Variants in ATAD1 observed in about 807,000 individuals in gnomAD.
ATAD1 encodes the protein ATPase family AAA domain containing 1.
Under a neutral mutation model 42.7 loss-of-function variants are expected in ATAD1, and 18 were observed. That is an observed-to-expected ratio of 0.42 (90% confidence interval 0.29 to 0.63). ATAD1 has a LOEUF of 0.63. Ranked by LOEUF, ATAD1 falls within the 20% of genes least tolerant of loss-of-function variation. The pLI, the probability that ATAD1 is intolerant of heterozygous loss-of-function variation, is 0.19. For missense variants in ATAD1, 294 were observed against 440.4 expected (o/e 0.67, Z 2.98); for synonymous variants, 132 against 143.1 (o/e 0.92, Z 0.55).
Position 87,768,474 on chromosome 10 carries a change from A to C in ATAD1, c.781-751T>G, listed in dbSNP as rs563219133. 2.6e-5 allele frequency among the ~76,000 whole-genome samples: 4 copies of C among 152,314 alleles called. No individual in the cohort carries two copies. The South Asian group carries it at 8.3e-4, about 32-fold the overall frequency. The stretch of plus-strand genomic sequence containing the variant: ...TTTAAGTGTGTCAAGTAGGAAGGTT[A>C]ATTTGATATGTCATGTGATCACCAA... On this transcript the variant is annotated intron_variant, in intron 7 of 9. Coordinates refer to ENST00000680024, the MANE Select transcript of ATAD1 (RefSeq NM_001321967.2).
intron 8 of ATAD1, among the ~76,000 whole-genome samples, chr10:87,758,834 T>C (rs955660223): frequency 1.3e-5 from 2 of 152,184 alleles, no homozygotes; most frequent in Non-Finnish European, 2.9e-5. Flanking sequence ...AGCAGAAATT[T>C]ATATAATTAC....
chr10:87,814,705 T>A, intron 1 of ATAD1, 93 bp from the exon 2 acceptor site: 1 of 957,320 alleles, frequency 1.0e-6, no homozygotes, highest in Non-Finnish European at 1.4e-6. Context: ...AAAGAAAAAC[T>A]AACTTCTAGT....
intron 2 of ATAD1, among the ~76,000 whole-genome samples, chr10:87,801,598 T>C (rs1398148479): frequency 6.6e-6 from 1 of 151,708 alleles, no homozygotes; most frequent in Non-Finnish European, 1.5e-5. Context: ...TGATATGACT[T>C]AATGTACATT....
At chr10:87,836,895 G>GTTCA (rs1589580895) in intron 1 of ATAD1, among the ~76,000 whole-genome samples, 1 of 152,190 alleles carries the variant, frequency 6.6e-6, no homozygotes, top group East Asian at 1.9e-4. Context: ...TGTTCACATT[G>GTTCA]GATAATTTCT....
intron 4 of ATAD1, among the ~76,000 whole-genome samples, chr10:87,787,886 A>C (rs1367098877): frequency 2.0e-5 from 3 of 152,218 alleles, no homozygotes; most frequent in Non-Finnish European, 1.5e-5. Flanking sequence ...CACAATTTAA[A>C]GAATGCACCA....
At chr10:87,800,747 G>A (rs188159473) in intron 2 of ATAD1, among the ~76,000 whole-genome samples, 3 of 152,250 alleles carry the variant, frequency 2.0e-5, no homozygotes, top group Admixed American at 2.0e-4. Context: ...CATAAACACT[G>A]ACAGCAATTA....
intron 2 of ATAD1, among the ~76,000 whole-genome samples, chr10:87,806,761 C>T (rs1856943732): frequency 6.6e-6 from 1 of 152,130 alleles, no homozygotes; most frequent in South Asian, 2.1e-4. Context: ...AAAACAGATA[C>T]AAGAAAAGCT....
At chr10:87,794,089 A>G (rs1397665386) in intron 2 of ATAD1, among the ~76,000 whole-genome samples, 1 of 152,128 alleles carries the variant, frequency 6.6e-6, no homozygotes, top group East Asian at 1.9e-4. Context: ...ATGTGGTAGT[A>G]CACGCCTGTA....
At chr10:87,832,937 C>T (rs2132112801) in intron 1 of ATAD1, 1 of 152,288 alleles carries the variant, frequency 6.6e-6, no homozygotes, top group South Asian at 2.1e-4. Flanking sequence ...GGCTGGTCCA[C>T]CCCTCCTTAG....
intron 6 of ATAD1, among the ~76,000 whole-genome samples, chr10:87,771,538 CT>C (rs1855029648): frequency 6.6e-6 from 1 of 152,016 alleles, no homozygotes; most frequent in Admixed American, 6.6e-5. Context: ...ATACTGTGTA[CT>C]TTTTCTCTAT....
At chr10:87,821,257 G>T (rs569699144), upstream of ATAD1, among the ~76,000 whole-genome samples, 2 of 152,310 alleles carry the variant, frequency 1.3e-5, no homozygotes, top group Non-Finnish European at 2.9e-5. Context: ...GCTGGGCGCA[G>T]TGGCTCACGC....
chr10:87,801,730 TC>T (rs1856706415), intron 2 of ATAD1, among the ~76,000 whole-genome samples: 1 of 152,220 alleles, frequency 6.6e-6, no homozygotes, highest in Non-Finnish European at 1.5e-5. Flanking sequence ...CTTCTTTTGG[TC>T]CTCTTTAGAA....
intron 2 of ATAD1, among the ~76,000 whole-genome samples, chr10:87,797,914 A>AT (rs1856477074): frequency 2.0e-5 from 3 of 152,116 alleles, no homozygotes; most frequent in Admixed American, 6.5e-5. Context: ...TAAATGACAG[A>AT]TTGAGTTTTC....
intron 5 of ATAD1, among the ~76,000 whole-genome samples, chr10:87,778,235 G>C (rs1011152979): frequency 7.0e-6 from 1 of 142,274 alleles, no homozygotes; most frequent in Non-Finnish European, 1.5e-5. Flanking sequence ...CCAGGGGTTC[G>C]AGACCAGGCT....
intron 2 of ATAD1, among the ~76,000 whole-genome samples, chr10:87,806,906 C>G (rs543769118): frequency 2.6e-5 from 4 of 152,194 alleles, no homozygotes; most frequent in African/African-American, 9.6e-5. Context: ...GCATAACAAA[C>G]TTTACCAACT....
At chr10:87,831,731 G>C (rs1857833268) in intron 1 of ATAD1, among the ~76,000 whole-genome samples, 1 of 152,156 alleles carries the variant, frequency 6.6e-6, no homozygotes, top group Non-Finnish European at 1.5e-5. Flanking sequence ...TATTTAATCA[G>C]TTATAATGTC....
chr10:87,794,906 C>G (rs1367009228), intron 2 of ATAD1, among the ~76,000 whole-genome samples: 3 of 152,180 alleles, frequency 2.0e-5, no homozygotes, highest in African/African-American at 4.8e-5. Flanking sequence ...CCTGCAACAG[C>G]AGTCCCACTT....
intron 2 of ATAD1, among the ~76,000 whole-genome samples, chr10:87,806,722 ATTATT>A (rs1271452868): frequency 6.6e-6 from 1 of 152,162 alleles, no homozygotes. Flanking sequence ...TGGCATAATA[ATTATT>A]TTGAGTTGAG....
intron 8 of ATAD1, among the ~76,000 whole-genome samples, chr10:87,765,448 G>C (rs1473828370): frequency 1.7e-5 from 2 of 115,792 alleles, no homozygotes; most frequent in Non-Finnish European, 3.3e-5. Context: ...AGTAGGAAAG[G>C]CCTTTAAATT....
Sources: gnomAD v4.1 joint callset for allele counts (sites outside exome capture counted in the v4.1 genomes callset) on GRCh38, gnomAD v4.1.1 for gene constraint, MANE v1.5 for transcripts, NCBI Gene and HGNC (gene_info 2026-07-23, HGNC 2026-07-21) for gene names.